DOP1B: variants seen among roughly 807,000 people sequenced by gnomAD.
The protein encoded by DOP1B is protein DOP1B.
A neutral mutation model predicts 233.5 loss-of-function variants in DOP1B; 174 were observed. The ratio of observed to expected loss-of-function variants is 0.75; its 90% confidence interval spans 0.66 to 0.85. The LOEUF (loss-of-function observed/expected upper bound fraction) is 0.85, where lower values mean the gene tolerates loss of function less well. DOP1B is among the 40% of genes least tolerant of loss of function. DOP1B has a pLI of 0.00. For missense variants in DOP1B, 2,652 were observed against 2,846.6 expected, an observed-to-expected ratio of 0.93 and a Z score of 1.56; for synonymous variants, 1,190 against 1,185.6, an observed-to-expected ratio of 1.00 and a Z score of -0.08.
At chr21:36,229,140 G>A (rs1458684561) in intron 13 of DOP1B, among the ~76,000 whole-genome samples, 1 of 152,202 alleles carries the variant, frequency 6.6e-6, no homozygotes, top group African/African-American at 2.4e-5. Context: ...TGTGGCATGT[G>A]ATTTTGGTTA....
chr21:36,190,005 G>C lies in DOP1B; in HGVS notation c.139-9065G>C, dbSNP rs111584059. Among the ~76,000 whole-genome samples, 2 of 125,322 alleles carry C rather than the reference G, an allele frequency of 1.6e-5. 1 individual carries two copies. Among genetic ancestry groups the C allele is most frequent in the Non-Finnish European group, 3.3e-5 (2 of 61,294 alleles). The allele number at this position is 125,322 out of a possible 152,430, so 82.2% of individuals were successfully genotyped here. On this transcript the variant is annotated intron_variant, in intron 2 of 36. Transcript: ENST00000691173. ...AACCTGGGTGACAGAGCGATACTCC[G>C]TCTCAAAAAAAAAAAAAAAAAATGA...
Position 36,247,621 on chromosome 21 carries a change from A to T in DOP1B, c.4802A>T (p.Asn1601Ile). The T allele has an allele frequency of 1.3e-6, 2 of 1,561,052 alleles. No homozygotes were observed. Among genetic ancestry groups the T allele is most frequent in the Admixed American group, 1.9e-5 (1 of 51,308 alleles). ...TGTCTTTTGGAACAAGCCAACCAAA[A>T]CAAAAAGGTAAATTTTTTTTTTTCC... Reference protein sequence around the residue: ...HFCLLEQANQNKKTMAAGDPA... With the variant: ...HFCLLEQANQIKKTMAAGDPA... Residue 1601 changes from asparagine to isoleucine, a missense_variant, in exon 20 of 37, where the codon AAC (asparagine) becomes ATC (isoleucine). Coordinates refer to ENST00000691173, the MANE Select transcript of DOP1B (RefSeq NM_001320714.2).
chr21:36,285,749 G>A (rs539316819), intron 32 of DOP1B, among the ~76,000 whole-genome samples: 89 of 152,270 alleles, frequency 5.8e-4, no homozygotes, highest in African/African-American at 2.0e-3. Context: ...ACAGTGGCCT[G>A]TAATCCCAGC....
chr21:36,239,586 T>C (rs1305283886), intron 17 of DOP1B, among the ~76,000 whole-genome samples, 179 bp from the exon 18 acceptor site: 1 of 152,188 alleles, frequency 6.6e-6, no homozygotes, highest in Non-Finnish European at 1.5e-5. Flanking sequence ...CACTGGTGAT[T>C]CCAACGCGAA....
Position 36,230,849 on chromosome 21 carries a change from G to A in DOP1B, c.2065G>A (p.Val689Met). Reference protein sequence around the residue: ...KNSWEPKPITVPQFKQMLSDL... With the variant: ...KNSWEPKPITMPQFKQMLSDL... ...CTCTTGGGAGCCCAAGCCCATCACT[G>A]TGCCTCAGTTCAAGCAGATGCTGTC... The change falls in exon 14 of 37, where the codon GTG (valine) becomes ATG (methionine). Residue 689 changes from valine to methionine, a missense_variant. Val to Met is a conservative substitution (Grantham distance 21). Around this residue, in one of 3 missense-constraint regions of DOP1B, gnomAD observed 2,617 missense variants for 2,794.3 expected, o/e 0.94. Coordinates refer to ENST00000691173, the MANE Select transcript of DOP1B (RefSeq NM_001320714.2). 1 of 1,614,102 alleles carries A rather than the reference G, an allele frequency of 6.2e-7. No individual in the cohort carries two copies. Among genetic ancestry groups the A allele is most frequent in the Non-Finnish European group, 8.5e-7 (1 of 1,179,990 alleles).
intron 2 of DOP1B, among the ~76,000 whole-genome samples, chr21:36,188,290 T>A (rs2066188838): frequency 6.6e-6 from 1 of 152,232 alleles, no homozygotes; most frequent in East Asian, 1.9e-4. Context: ...CAACAAAAAC[T>A]GGTCTCACTG....
chr21:36,200,547 A>G, intron 4 of DOP1B, 46 bp downstream of exon 4: 1 of 1,542,674 alleles, frequency 6.5e-7, no homozygotes, highest in Non-Finnish European at 8.7e-7. Flanking sequence ...ACTGCTTTAT[A>G]AGACGCGGGG....
chr21:36,264,327 C>T (rs755633002), intron 26 of DOP1B, among the ~76,000 whole-genome samples: 73 of 152,168 alleles, frequency 4.8e-4, no homozygotes, highest in Non-Finnish European at 9.6e-4. Context: ...GCTAAGGATC[C>T]CTTGAGCCTG....
intron 2 of DOP1B, among the ~76,000 whole-genome samples, chr21:36,165,227 A>T (rs1182211989): frequency 6.6e-6 from 1 of 152,198 alleles, no homozygotes; most frequent in African/African-American, 2.4e-5. Context: ...TCTAGACAAG[A>T]TAAAATTTAA....
intron 24 of DOP1B, chr21:36,261,382 A>G: frequency 1.0e-6 from 1 of 995,352 alleles, no homozygotes; most frequent in Non-Finnish European, 1.2e-6. Flanking sequence ...AAAAAAAAAA[A>G]AAGGCAAAAT....
chr21:36,208,896 C>T lies in DOP1B; in HGVS notation c.673C>T (p.Gln225Ter). Residue 225 changes from glutamine (Q) to a stop codon, truncating the protein, a stop_gained, in exon 5 of 37, where the codon CAA (glutamine) becomes TAA (stop). Coordinates refer to ENST00000691173, the MANE Select transcript of DOP1B (RefSeq NM_001320714.2). LOFTEE classifies it high-confidence loss of function. The part of the protein sequence containing the change: ...EQKYMLGTNH[Q>*]LTVKSLRASL... ...GAAGTACATGCTGGGGACCAATCAC[C>T]AACTCACGGTGGGTGCTGTGTTCCT... 6.5e-7 allele frequency: 1 copy of T among 1,531,116 alleles called. No homozygotes were observed. The highest frequency in any genetic ancestry group is 1.4e-5 in the African/African-American group (1 of 71,708). The allele number at this position is 1,531,116 out of a possible 1,614,324, so 94.8% of individuals were successfully genotyped here.
intron 35 of DOP1B, among the ~76,000 whole-genome samples, chr21:36,291,193 G>A (rs891712246): frequency 8.7e-5 from 13 of 149,298 alleles, no homozygotes; most frequent in Admixed American, 6.7e-5. Context: ...AACCGAAGGC[G>A]GAGGTTGCAG....
chr21:36,253,673 T>C lies in DOP1B; in HGVS notation c.5122-99T>C, dbSNP rs577961119. On this transcript the variant is annotated intron_variant, in intron 22 of 36. Coordinates refer to ENST00000691173, the MANE Select transcript of DOP1B (RefSeq NM_001320714.2). The stretch of plus-strand genomic sequence containing the variant: ...AAAAAGAGATGAAAACAGATTGATT[T>C]CTCCAGGGACGACTACTGTAGAATA... 15 of 1,316,098 alleles carry C rather than the reference T, an allele frequency of 1.1e-5. No individual in the cohort carries two copies. The East Asian group carries it at 3.6e-4, about 31-fold the overall frequency. 81.5% of individuals were successfully genotyped at this position (1,316,098 alleles called of 1,614,324 possible).
chr21:36,184,873 T>A (rs998468842), intron 2 of DOP1B, among the ~76,000 whole-genome samples: 2 of 152,214 alleles, frequency 1.3e-5, no homozygotes, highest in Non-Finnish European at 2.9e-5. Flanking sequence ...CAGGAAGGCC[T>A]CTGGGAGTTC....
chr21:36,265,958 C>G (rs1284672151), intron 26 of DOP1B, among the ~76,000 whole-genome samples: 2 of 152,038 alleles, frequency 1.3e-5, no homozygotes, highest in Non-Finnish European at 2.9e-5. Context: ...TTCTGGCATT[C>G]CCCACCTAGA....
At chr21:36,181,507 G>T (rs947533630) in intron 2 of DOP1B, among the ~76,000 whole-genome samples, 1 of 151,534 alleles carries the variant, frequency 6.6e-6, no homozygotes, top group African/African-American at 2.4e-5. Context: ...ATGAACTCCT[G>T]ACCTCATGTG....
chr21:36,175,220 T>C (rs11702069), intron 2 of DOP1B, among the ~76,000 whole-genome samples: 70,301 of 151,710 alleles, frequency 0.46, 16,471 homozygotes, highest in African/African-American at 0.5. Context: ...AAGCGATTCT[T>C]CTGCCTCAGC....
At chr21:36,161,463 T>C (rs2065868898) in intron 1 of DOP1B, among the ~76,000 whole-genome samples, 1 of 152,192 alleles carries the variant, frequency 6.6e-6, no homozygotes, top group Admixed American at 6.5e-5. Context: ...AACAGCTTTA[T>C]TGCACTATAA....
intron 29 of DOP1B, 22 bp downstream of exon 29, chr21:36,278,106 C>T (rs757083853): frequency 5.5e-5 from 89 of 1,613,226 alleles, no homozygotes; most frequent in Middle Eastern, 1.6e-4. Context: ...TTCGCCATTT[C>T]TTCCCACCCA....
Sources: gnomAD v4.1 joint callset for allele counts (sites outside exome capture counted in the v4.1 genomes callset) on GRCh38, gnomAD v4.1.1 for gene constraint, gnomAD v4.1.1 regional missense constraint, MANE v1.5 for transcripts, NCBI Gene and HGNC (gene_info 2026-07-23, HGNC 2026-07-21) for gene names.